The following WIPF3 variants were observed in gnomAD, a reference collection of about 807,000 sequenced individuals.
WIPF3 encodes the protein WAS/WASL interacting protein family member 3.
WIPF3 carries 33 observed loss-of-function variants against 38.9 expected under a neutral mutation model. That is an observed-to-expected ratio of 0.85 (90% CI 0.64 to 1.14). The LOEUF (loss-of-function observed/expected upper bound fraction) is 1.14. Among genes scored for constraint, WIPF3 ranks in the 50% most tolerant of loss-of-function variants. The pLI is 0.00. For missense variants in WIPF3, 711 were observed against 652.5 expected (o/e 1.09, Z -0.98); for synonymous variants, 324 against 269.3 (o/e 1.20, Z -1.99).
intron 2 of WIPF3, among the ~76,000 whole-genome samples, chr7:29,850,663 T>G (rs559914290): frequency 6.6e-6 from 1 of 152,188 alleles, no homozygotes; most frequent in African/African-American, 2.4e-5. Context: ...CCACCCCTAC[T>G]CACCCCATTG....
At chr7:29,828,791 A>C (rs1784668521) in intron 1 of WIPF3, among the ~76,000 whole-genome samples, 1 of 152,198 alleles carries the variant, frequency 6.6e-6, no homozygotes, top group African/African-American at 2.4e-5. Context: ...CTGGGGAAGG[A>C]GTTCCTACTT....
At chr7:29,898,880 G>A (rs1786215241) in intron 7 of WIPF3, among the ~76,000 whole-genome samples, 1 of 152,100 alleles carries the variant, frequency 6.6e-6, no homozygotes, top group Non-Finnish European at 1.5e-5. Flanking sequence ...ATATCCATGT[G>A]ACCGTCTCCC....
intron 7 of WIPF3, among the ~76,000 whole-genome samples, chr7:29,902,265 C>CTTTTTTTTTTTTTTTTTT (rs141174377): frequency 4.3e-5 from 5 of 116,448 alleles, no homozygotes; most frequent in African/African-American, 1.2e-4. Context: ...TTTTCTTCTT[C>CTTTTTTTTTTTTTTTTTT]TTCTTCTTCT....
intron 2 of WIPF3, among the ~76,000 whole-genome samples, chr7:29,875,159 T>C (rs1471858698): frequency 6.6e-6 from 1 of 152,136 alleles, no homozygotes; most frequent in African/African-American, 2.4e-5. Flanking sequence ...CTTTCTGACC[T>C]CTATGGGTCC....
intron 3 of WIPF3, among the ~76,000 whole-genome samples, chr7:29,876,637 A>T (rs891730572): frequency 6.6e-6 from 1 of 152,248 alleles, no homozygotes; most frequent in Non-Finnish European, 1.5e-5. Context: ...TAACATTTAA[A>T]GATCACTCAC....
chr7:29,903,676 A>G (rs764194393), intron 7 of WIPF3, among the ~76,000 whole-genome samples: 2 of 145,646 alleles, frequency 1.4e-5, no homozygotes, highest in African/African-American at 2.5e-5. Context: ...ATATATACAG[A>G]TGTATGTATG....
chr7:29,810,169 C>A (rs1401923786), intron 1 of WIPF3, among the ~76,000 whole-genome samples: 5 of 152,152 alleles, frequency 3.3e-5, no homozygotes, highest in African/African-American at 1.2e-4. Flanking sequence ...CTACAGCAGC[C>A]CTATAGGGAG....
chr7:29,903,712 T>A (rs1583629451), intron 7 of WIPF3, among the ~76,000 whole-genome samples: 1 of 148,984 alleles, frequency 6.7e-6, no homozygotes, highest in African/African-American at 2.5e-5. Context: ...AAAAAAAAAA[T>A]TGAAGAGATA....
In WIPF3 at chr7:29,836,307, G is replaced by A. The variant is rs143333845; in HGVS notation, c.90+1493G>A. On this transcript the variant is annotated intron_variant, in intron 2 of 8. Transcript: ENST00000242140. ...ACTTAGAATAACTGCAAATACTGAC[G>A]TACCCATAAATTTAGCCAGAATAAA... Among the ~76,000 whole-genome samples the A allele has an allele frequency of 6.3e-3, 961 of 152,256 alleles. 11 individuals are homozygous for A. Among genetic ancestry groups the A allele is most frequent in the African/African-American group, 0.022 (898 of 41,540 alleles).
chr7:29,842,740 G>A (rs1784932722), intron 2 of WIPF3, among the ~76,000 whole-genome samples: 1 of 152,084 alleles, frequency 6.6e-6, no homozygotes, highest in African/African-American at 2.4e-5. Flanking sequence ...TTGGAATTTT[G>A]TGTTTGCTGT....
chr7:29,857,773 A>G (rs939426922), intron 2 of WIPF3, among the ~76,000 whole-genome samples: 4 of 152,234 alleles, frequency 2.6e-5, no homozygotes, highest in Non-Finnish European at 2.9e-5. Context: ...TAATTTTTAA[A>G]TGGACTTTTT....
intron 2 of WIPF3, among the ~76,000 whole-genome samples, chr7:29,842,054 G>A (rs1784922385): frequency 6.6e-6 from 1 of 152,176 alleles, no homozygotes; most frequent in Non-Finnish European, 1.5e-5. Context: ...CTGTGATTTC[G>A]GTTTTCTTGC....
At chr7:29,829,114 A>G (rs1363482287) in intron 1 of WIPF3, among the ~76,000 whole-genome samples, 1 of 151,664 alleles carries the variant, frequency 6.6e-6, no homozygotes, top group Admixed American at 6.6e-5. Flanking sequence ...ACTTCCACCA[A>G]GTGTTTCTTT....
chr7:29,864,787 G>A lies in WIPF3; in HGVS notation c.91-11043G>A, dbSNP rs576242785. On this transcript the variant is annotated intron_variant, in intron 2 of 8. Coordinates refer to ENST00000242140, the MANE Select transcript of WIPF3 (RefSeq NM_001080529.3). ...GAGCCATATTCTTTCTTCCCTTGAG[G>A]CCCAGCATCGCCCAGCTTCTTAGAC... Among the ~76,000 whole-genome samples, 37 of 152,220 alleles carry A rather than the reference G, an allele frequency of 2.4e-4. No individual in the cohort carries two copies. In the South Asian group the frequency reaches 3.1e-3, roughly 13 times the overall value.
chr7:29,883,098 A>G (rs1562785187), intron 4 of WIPF3, among the ~76,000 whole-genome samples: 1 of 152,236 alleles, frequency 6.6e-6, no homozygotes, highest in Non-Finnish European at 1.5e-5. Flanking sequence ...AACCAAACGC[A>G]AATGCTTATC....
At chr7:29,859,091 A>G (rs1785234022) in intron 2 of WIPF3, among the ~76,000 whole-genome samples, 1 of 152,080 alleles carries the variant, frequency 6.6e-6, no homozygotes, top group Admixed American at 6.5e-5. Context: ...TTAGGGAGGG[A>G]GCTGTTTTTG....
At chr7:29,875,068 G>A (rs1284164472) in intron 2 of WIPF3, among the ~76,000 whole-genome samples, 1 of 152,126 alleles carries the variant, frequency 6.6e-6, no homozygotes, top group Non-Finnish European at 1.5e-5. Flanking sequence ...AAGGTCTTGT[G>A]AGGACTAATG....
At chr7:29,856,992 G>A (rs10258267) in intron 2 of WIPF3, among the ~76,000 whole-genome samples, 2,772 of 152,268 alleles carry the variant, frequency 0.018, 87 homozygotes, top group African/African-American at 0.064. Flanking sequence ...TGTCTCTGCC[G>A]TCAGGTAAGA....
chr7:29,858,766 C>T (rs1033532400), intron 2 of WIPF3, among the ~76,000 whole-genome samples: 1 of 152,108 alleles, frequency 6.6e-6, no homozygotes, highest in Admixed American at 6.5e-5. Flanking sequence ...TTTGAGGTGG[C>T]CCCATTTTAT....
Sources: gnomAD v4.1 joint callset for allele counts (sites outside exome capture counted in the v4.1 genomes callset) on GRCh38, gnomAD v4.1.1 for gene constraint, MANE v1.5 for transcripts, NCBI Gene and HGNC (gene_info 2026-07-23, HGNC 2026-07-21) for gene names.